Variants in STPG2 observed in about 807,000 individuals in gnomAD.
STPG2 encodes the protein sperm-tail PG-rich repeat-containing protein 2.
STPG2 carries 56 observed loss-of-function variants against 54.2 expected under a neutral mutation model. That is an observed-to-expected ratio of 1.03 (90% CI 0.83 to 1.29). The LOEUF is 1.29. Among genes scored for constraint, STPG2 ranks in the 50% most tolerant of loss-of-function variants. The pLI, the probability that STPG2 is intolerant of heterozygous loss-of-function variation, is 0.00. For synonymous variants in STPG2, 200 were observed against 181.8 expected, an observed-to-expected ratio of 1.10 and a Z score of -0.81; for missense variants, 596 against 544.9, an observed-to-expected ratio of 1.09 and a Z score of -0.93.
intron 8 of STPG2, among the ~76,000 whole-genome samples, chr4:97,894,423 C>A (rs1474896130): frequency 1.3e-5 from 2 of 151,874 alleles, no homozygotes; most frequent in African/African-American, 4.8e-5. Flanking sequence ...ACTGCTTCTG[C>A]CTCCTCGTTT....
At position 97,640,444 on chromosome 4, in the gene STPG2, T is replaced by G. The variant is rs138823134; in HGVS notation, c.1320+72255A>C. Among the ~76,000 whole-genome samples the G allele has an allele frequency of 4.1e-3, 624 of 152,008 alleles. 3 individuals carry two copies. Among genetic ancestry groups the G allele is most frequent in the South Asian group, 0.02 (98 of 4,820 alleles). On this transcript the variant is annotated intron_variant, in intron 10 of 10. Transcript: ENST00000295268. ...ACAGAAAAGTGAACATTCTCTACAA[T>G]AAGGAATTACTTAATAAATATTTAA...
chr4:97,740,275 C>G (rs1725178626), intron 9 of STPG2, among the ~76,000 whole-genome samples: 3 of 152,204 alleles, frequency 2.0e-5, no homozygotes, highest in Non-Finnish European at 4.4e-5. Flanking sequence ...TGGGCAAAAA[C>G]TGGAAGCATT....
At chr4:98,079,544 T>A (rs2110114798) in intron 5 of STPG2, among the ~76,000 whole-genome samples, 1 of 152,330 alleles carries the variant, frequency 6.6e-6, no homozygotes, top group South Asian at 2.1e-4. Flanking sequence ...GAAATTCTTT[T>A]CACTTTCACT....
At chr4:98,058,730 G>C (rs1200976185) in intron 5 of STPG2, among the ~76,000 whole-genome samples, 2 of 152,096 alleles carry the variant, frequency 1.3e-5, no homozygotes, top group Non-Finnish European at 2.9e-5. Flanking sequence ...CATGTCTACA[G>C]AACTCTCCAC....
At chr4:97,452,815 G>T (rs998658072) in intron 4 of STPG2, among the ~76,000 whole-genome samples, 6 of 152,130 alleles carry the variant, frequency 3.9e-5, no homozygotes, top group African/African-American at 1.4e-4. Context: ...CCCACTCCAG[G>T]GTCTTCTCTC....
intron 8 of STPG2, among the ~76,000 whole-genome samples, chr4:97,873,432 AAC>A (rs1730061308): frequency 1.3e-5 from 2 of 151,458 alleles, no homozygotes; most frequent in African/African-American, 4.8e-5. Context: ...TTAGTCTGAA[AAC>A]ACAGTGTTCA....
chr4:98,017,812 T>C (rs949928758), intron 5 of STPG2, among the ~76,000 whole-genome samples: 4 of 152,046 alleles, frequency 2.6e-5, no homozygotes, highest in Admixed American at 6.6e-5. Context: ...ATTCTCATGA[T>C]AGTGAGGGAG....
chr4:97,859,527 C>T (rs1297035948), intron 8 of STPG2, among the ~76,000 whole-genome samples: 13 of 147,048 alleles, frequency 8.8e-5, no homozygotes, highest in Middle Eastern at 3.3e-3. Flanking sequence ...TGCAGTGGGG[C>T]GATCTGCCCT....
intron 5 of STPG2, among the ~76,000 whole-genome samples, chr4:98,011,271 C>T (rs1324880619): frequency 6.6e-6 from 1 of 152,120 alleles, no homozygotes; most frequent in Non-Finnish European, 1.5e-5. Context: ...TCATCCAAGA[C>T]CCGGCAAAGG....
At chr4:98,100,726 A>T (rs545778610) in intron 5 of STPG2, among the ~76,000 whole-genome samples, 45 of 130,842 alleles carry the variant, frequency 3.4e-4, no homozygotes, top group African/African-American at 1.3e-3. Context: ...CCCAGGCTGG[A>T]GTGCAGTGGT....
chr4:97,763,065 G>T (rs1278849536), intron 9 of STPG2, among the ~76,000 whole-genome samples: 2 of 151,978 alleles, frequency 1.3e-5, no homozygotes, highest in Non-Finnish European at 1.5e-5. Context: ...AATTTGTTTT[G>T]TATTATAAGT....
At chr4:98,104,156 T>C (rs2110139122) in intron 5 of STPG2, among the ~76,000 whole-genome samples, 1 of 152,292 alleles carries the variant, frequency 6.6e-6, no homozygotes, top group Non-Finnish European at 1.5e-5. Flanking sequence ...TGTCAGCATT[T>C]AGTTGTGTAT....
At chr4:97,850,975 G>A (rs1269526713) in intron 8 of STPG2, among the ~76,000 whole-genome samples, 2 of 152,098 alleles carry the variant, frequency 1.3e-5, no homozygotes, top group Non-Finnish European at 2.9e-5. Context: ...GTGTAATATT[G>A]AACTATCTTT....
chr4:98,116,927 C>A (rs1739539259), intron 3 of STPG2, among the ~76,000 whole-genome samples: 1 of 151,968 alleles, frequency 6.6e-6, no homozygotes, highest in Admixed American at 6.6e-5. Context: ...TGTATTTAAA[C>A]ACAAAATGTA....
chr4:97,535,222 G>A (rs538519898), intron 4 of STPG2, among the ~76,000 whole-genome samples: 5 of 152,230 alleles, frequency 3.3e-5, no homozygotes, highest in African/African-American at 9.6e-5. Flanking sequence ...TTGTTAAGTG[G>A]CTGTATTATG....
chr4:98,039,676 T>C (rs1366103973), intron 5 of STPG2, among the ~76,000 whole-genome samples: 1 of 120,654 alleles, frequency 8.3e-6, no homozygotes, highest in Non-Finnish European at 1.8e-5. Flanking sequence ...AAATTACATA[T>C]GTGATACATA....
intron 5 of STPG2, among the ~76,000 whole-genome samples, chr4:98,097,595 T>G (rs1379157234): frequency 1.3e-5 from 2 of 152,070 alleles, no homozygotes; most frequent in African/African-American, 4.8e-5. Flanking sequence ...TTCACCACTG[T>G]TACTCAACAT....
At chr4:98,001,387 G>C (rs1167993846) in intron 5 of STPG2, among the ~76,000 whole-genome samples, 1 of 151,634 alleles carries the variant, frequency 6.6e-6, no homozygotes, top group African/African-American at 2.4e-5. Flanking sequence ...CTATGTAAAT[G>C]TTCGGAGTTC....
At chr4:97,925,196 T>G (rs1732286917) in intron 8 of STPG2, among the ~76,000 whole-genome samples, 1 of 152,222 alleles carries the variant, frequency 6.6e-6, no homozygotes, top group Non-Finnish European at 1.5e-5. Flanking sequence ...ACAATCTATA[T>G]AACCAGACAG....
Sources: gnomAD v4.1 joint callset for allele counts (sites outside exome capture counted in the v4.1 genomes callset) on GRCh38, gnomAD v4.1.1 for gene constraint, MANE v1.5 for transcripts, NCBI Gene and HGNC (gene_info 2026-07-23, HGNC 2026-07-21) for gene names.